The following TET3 variants were observed in gnomAD, a reference collection of about 807,000 sequenced individuals.
TET3 encodes methylcytosine dioxygenase TET3.
In TET3, 19 loss-of-function variants were observed where a neutral mutation model predicts 141.4. The ratio of observed to expected loss-of-function variants is 0.13; its 90% CI spans 0.09 to 0.20. The LOEUF is 0.20. Among genes scored for constraint, TET3 ranks in the 10% least tolerant of loss-of-function variants. The pLI is 1.00. For synonymous variants in TET3, 1,043 were observed against 980.9 expected, an observed-to-expected ratio of 1.06 and a Z score of -1.18; for missense variants, 1,874 against 2,356.9, an observed-to-expected ratio of 0.80 and a Z score of 4.24.
chr2:74,105,574 G>T lies in TET3; in HGVS notation c.*3398G>T. On this transcript the variant is annotated 3_prime_UTR_variant, in exon 12 of 12. Coordinates refer to ENST00000409262, the MANE Select transcript of TET3 (RefSeq NM_001287491.2). ...ACCCCGGCTTCATGGGTACTGCTTTGCCTTCTCACCAAGGTGACGATGGTG... is the reference window on the plus strand; with the variant it reads ...ACCCCGGCTTCATGGGTACTGCTTTTCCTTCTCACCAAGGTGACGATGGTG... 1 of 396,250 alleles carries T rather than the reference G, an allele frequency of 2.5e-6. No homozygotes were observed. The highest frequency in any genetic ancestry group is 4.5e-6 in the Non-Finnish European group (1 of 224,216). 24.5% of individuals were successfully genotyped at this position (396,250 alleles called of 1,614,324 possible).
intron 3 of TET3, among the ~76,000 whole-genome samples, chr2:74,035,828 A>G (rs1558733332): frequency 6.6e-6 from 1 of 152,138 alleles, no homozygotes; most frequent in Non-Finnish European, 1.5e-5. Flanking sequence ...CCTGACCAAC[A>G]TAATGAAACC....
Position 74,047,124 on chromosome 2 carries a change from G to C in TET3, c.1207G>C (p.Ala403Pro). Residue 403 changes from alanine to proline, a missense_variant, in exon 4 of 12, where the codon GCT (alanine) becomes CCT (proline). This residue lies in a region of TET3 where 484 missense variants were observed against 462.2 expected (regional missense o/e 1.05). Transcript: ENST00000409262. Reference sequence around the variant, plus strand: ...CAGATCTCCCCAGTCTTACCTCCGGGCTCCCTCATGGCCTGTGGTTCCTCC... The same window carrying C: ...CAGATCTCCCCAGTCTTACCTCCGGCCTCCCTCATGGCCTGTGGTTCCTCC... ...PFRSPQSYLR[A>P]PSWPVVPPEE... 6.2e-7 allele frequency: 1 copy of C among 1,613,774 alleles called. No individual in the cohort carries two copies. The highest frequency in any genetic ancestry group is 8.5e-7 in the Non-Finnish European group (1 of 1,179,836).
intron 2 of TET3, among the ~76,000 whole-genome samples, chr2:73,998,051 A>G (rs144383229): frequency 1.3e-5 from 2 of 152,128 alleles, no homozygotes; most frequent in African/African-American, 4.8e-5. Context: ...CAGTGTGTAG[A>G]GATGCTACTT....
chr2:74,000,031 C>T (rs548421155), intron 2 of TET3, among the ~76,000 whole-genome samples: 22 of 152,206 alleles, frequency 1.4e-4, no homozygotes, highest in African/African-American at 2.9e-4. Flanking sequence ...GAATTACCAC[C>T]GGGAGATGAG....
At chr2:74,126,500 AT>A in the TET3 span, among the ~76,000 whole-genome samples, 5,547 of 120,856 alleles carry the variant, frequency 0.046, 187 homozygotes, top group African/African-American at 0.15. Context: ...TATTTGCTGG[AT>A]TTTTTTTTTT....
chr2:74,033,858 G>A (rs944838042), intron 3 of TET3, among the ~76,000 whole-genome samples: 1 of 152,158 alleles, frequency 6.6e-6, no homozygotes, highest in Non-Finnish European at 1.5e-5. Flanking sequence ...CACTTTGGGA[G>A]GCTGAGGCGG....
chr2:74,112,089 C>G (rs996397434), downstream of TET3, among the ~76,000 whole-genome samples: 2 of 152,218 alleles, frequency 1.3e-5, no homozygotes, highest in African/African-American at 4.8e-5. Flanking sequence ...GATAATCTTT[C>G]TAAAAACCAA....
intron 10 of TET3, among the ~76,000 whole-genome samples, chr2:74,094,649 G>A (rs1190267732): frequency 1.3e-5 from 2 of 152,190 alleles, no homozygotes; most frequent in South Asian, 2.1e-4. Flanking sequence ...AGGGGACACG[G>A]CTTGGGCAGG....
In TET3 at chr2:74,102,060, G is replaced by C; in HGVS notation, c.5272G>C (p.Glu1758Gln). Residue 1758 changes from glutamate (E) to glutamine (Q), a missense_variant, in exon 12 of 12, where the codon GAG becomes CAG. By Grantham distance (29) the Glu-to-Gln change is conservative (BLOSUM62 2). Around this residue, in one of 10 missense-constraint regions of TET3, gnomAD observed 113 missense variants for 114.3 expected, o/e 0.99. Coordinates refer to ENST00000409262, the MANE Select transcript of TET3 (RefSeq NM_001287491.2). ...GTVVAEPQQK[E>Q]KKGVVPTRQA... ...TGTGGTTGCTGAGCCCCAGCAGAAA[G>C]AGAAGAAGGGGGTCGTCCCCACCCG... The C allele has an allele frequency of 2.0e-6, 3 of 1,525,470 alleles. No homozygotes were observed. The highest frequency in any genetic ancestry group is 2.8e-5 in the African/African-American group (2 of 72,036). 94.5% of individuals were successfully genotyped at this position (1,525,470 alleles called of 1,614,324 possible).
intron 3 of TET3, among the ~76,000 whole-genome samples, chr2:74,030,678 T>C (rs1686632249): frequency 6.6e-6 from 1 of 152,194 alleles, no homozygotes; most frequent in Admixed American, 6.5e-5. Flanking sequence ...CACCCTGGCC[T>C]GGGAGCTGGG....
chr2:74,099,231 CG>C (rs1558793228), intron 10 of TET3, 44 bp from the exon 11 acceptor site: 2 of 1,503,664 alleles, frequency 1.3e-6, no homozygotes, highest in Admixed American at 4.1e-5. Context: ...TCCCAGCACT[CG>C]GTCCCCCAAC....
chr2:74,045,468 T>C (rs1305104974), intron 3 of TET3, among the ~76,000 whole-genome samples: 1 of 152,210 alleles, frequency 6.6e-6, no homozygotes, highest in Non-Finnish European at 1.5e-5. Context: ...TTCACATCTT[T>C]GTATTCACTT....
intron 4 of TET3, among the ~76,000 whole-genome samples, chr2:74,063,979 T>G (rs1688742594): frequency 6.6e-6 from 1 of 152,224 alleles, no homozygotes; most frequent in African/African-American, 2.4e-5. Context: ...AGTGCTGTTC[T>G]TCATTTGATT....
chr2:74,055,914 G>A (rs986764477), intron 4 of TET3, among the ~76,000 whole-genome samples: 4 of 152,146 alleles, frequency 2.6e-5, no homozygotes, highest in Admixed American at 2.0e-4. Flanking sequence ...CGATCAACAC[G>A]AAGGGCCTCA....
chr2:74,077,416 A>G (rs546110813), intron 5 of TET3, among the ~76,000 whole-genome samples: 28 of 152,350 alleles, frequency 1.8e-4, no homozygotes, highest in African/African-American at 6.5e-4. Flanking sequence ...ATCCTTTAGA[A>G]TAAGATGATT....
chr2:74,009,269 T>C (rs1315307225), intron 3 of TET3, among the ~76,000 whole-genome samples: 1 of 150,678 alleles, frequency 6.6e-6, no homozygotes, highest in Non-Finnish European at 1.5e-5. Flanking sequence ...CAAGGGAGGC[T>C]GGTAACTCCT....
In TET3 at chr2:74,101,683, A is replaced by T; in HGVS notation, c.4895A>T (p.Glu1632Val). Residue 1632 changes from glutamate (E) to valine (V), a missense_variant, in exon 12 of 12, where the codon GAG becomes GTG. Around this residue, in one of 10 missense-constraint regions of TET3, gnomAD observed 602 missense variants for 590.2 expected, o/e 1.02. Coordinates refer to ENST00000409262, the MANE Select transcript of TET3 (RefSeq NM_001287491.2). The surrounding 1 kb of genome is among the most constrained non-coding windows in gnomAD (Gnocchi z 8.5). ...VKEEKGGGGA[E>V]EEEEELWSDS... ...GAGGAGAAGGGCGGTGGTGGTGCGG[A>T]GGAGGAAGAGGAGGAGCTGTGGTCG... 6.2e-7 allele frequency: 1 copy of T among 1,613,558 alleles called. No individual in the cohort carries two copies. The highest frequency in any genetic ancestry group is 8.5e-7 in the Non-Finnish European group (1 of 1,179,852).
At chr2:74,092,521 A>G (rs957271902) in intron 8 of TET3, among the ~76,000 whole-genome samples, 2 of 152,120 alleles carry the variant, frequency 1.3e-5, no homozygotes, top group Non-Finnish European at 2.9e-5. Flanking sequence ...CTGGGAGGAA[A>G]GATCCACAGT....
intron 3 of TET3, among the ~76,000 whole-genome samples, chr2:74,030,560 G>C (rs1293273120): frequency 6.6e-6 from 1 of 152,130 alleles, no homozygotes; most frequent in Admixed American, 6.5e-5. Flanking sequence ...TATTGCTCTT[G>C]ATAACATTTG....
Sources: allele counts gnomAD v4.1 joint callset (sites outside exome capture counted in the v4.1 genomes callset), GRCh38; gene constraint gnomAD v4.1.1; regional missense constraint gnomAD v4.1.1; non-coding constraint Gnocchi (gnomAD v3.1); transcripts MANE v1.5; gene names NCBI Gene and HGNC (gene_info 2026-07-23, HGNC 2026-07-21).